The following TXNDC11 variants were observed in gnomAD, a reference collection of about 807,000 sequenced individuals.
TXNDC11 encodes thioredoxin domain-containing protein 11.
In TXNDC11, 68 loss-of-function variants were observed where a neutral mutation model predicts 78.0. The observed-to-expected ratio is 0.87, with a 90% CI of 0.72 to 1.07. TXNDC11 has a LOEUF of 1.07. Among genes scored for constraint, TXNDC11 ranks in the 50% least tolerant of loss-of-function variants. The pLI, the probability that TXNDC11 is intolerant of heterozygous loss-of-function variation, is 0.00. For synonymous variants in TXNDC11, 571 were observed against 495.2 expected (o/e 1.15, Z -2.03); for missense variants, 1,389 against 1,221.8 (o/e 1.14, Z -2.04).
intron 7 of TXNDC11, among the ~76,000 whole-genome samples, chr16:11,696,853 G>A (rs1470275348): frequency 1.3e-5 from 2 of 152,046 alleles, no homozygotes; most frequent in Non-Finnish European, 2.9e-5. Flanking sequence ...GAGGCTGTGG[G>A]CTCCTGCCAC....
intron 4 of TXNDC11, among the ~76,000 whole-genome samples, chr16:11,723,390 G>C (rs1470194730): frequency 6.6e-6 from 1 of 152,084 alleles, no homozygotes; most frequent in East Asian, 1.9e-4. Flanking sequence ...TTCAAGACCA[G>C]CCTGGCCGAT....
chr16:11,696,150 T>C (rs1410589987), intron 7 of TXNDC11, among the ~76,000 whole-genome samples: 1 of 152,136 alleles, frequency 6.6e-6, no homozygotes, highest in East Asian at 1.9e-4. Context: ...TAGCCCTTCC[T>C]GCAGACCACA....
chr16:11,704,579 C>A (rs58212087), intron 5 of TXNDC11, among the ~76,000 whole-genome samples: 5,270 of 152,160 alleles, frequency 0.035, 316 homozygotes, highest in African/African-American at 0.12. Flanking sequence ...TCATATGAAC[C>A]CCCTGATAAG....
chr16:11,691,883 G>A lies in TXNDC11; in HGVS notation c.1307C>T (p.Ser436Phe). The A allele has an allele frequency of 6.2e-7, 1 of 1,614,222 alleles. No individual in the cohort carries two copies. Among genetic ancestry groups the A allele is most frequent in the South Asian group, 1.1e-5 (1 of 91,090 alleles). Residue 436 changes from serine to phenylalanine, a missense_variant, in exon 8 of 12, where the codon TCC (serine) becomes TTC (phenylalanine). By Grantham distance (155) the Ser-to-Phe change is radical (BLOSUM62 -2). Transcript: ENST00000283033. The stretch of plus-strand genomic sequence containing the variant: ...GAGTTCACAGACGTTGTGGGTCCTG[G>A]AGAAGGAGTGCCACTGGGGCAGCAC... The part of the protein sequence containing the change: ...TVVLPQWHSF[S>F]RTHNVCELCV...
intron 5 of TXNDC11, among the ~76,000 whole-genome samples, chr16:11,701,285 T>C (rs144257496): frequency 0.012 from 1,827 of 151,922 alleles, 35 homozygotes; most frequent in African/African-American, 0.041. Flanking sequence ...TACAGGCGTG[T>C]GCCACCACAC....
chr16:11,702,044 C>CTTA (rs1202324204), intron 5 of TXNDC11, among the ~76,000 whole-genome samples: 1 of 149,730 alleles, frequency 6.7e-6, no homozygotes, highest in Non-Finnish European at 1.5e-5. Flanking sequence ...AGAACTCACA[C>CTTA]TTATAAAAGT....
chr16:11,694,810 G>T (rs2050816344), intron 7 of TXNDC11, among the ~76,000 whole-genome samples: 1 of 152,172 alleles, frequency 6.6e-6, no homozygotes, highest in Non-Finnish European at 1.5e-5. Context: ...GGGAATTTAT[G>T]TTTCTATTCC....
chr16:11,690,336 G>A (rs984076454), intron 8 of TXNDC11, among the ~76,000 whole-genome samples: 2 of 152,326 alleles, frequency 1.3e-5, no homozygotes, highest in Non-Finnish European at 2.9e-5. Context: ...TCTCATCATG[G>A]AGCCTTACTC....
At chr16:11,689,980 A>G (rs1393376833) in intron 8 of TXNDC11, 2 of 152,254 alleles carry the variant, frequency 1.3e-5, no homozygotes, top group African/African-American at 2.4e-5. Flanking sequence ...AGAAAAATCA[A>G]TATTTACATA....
chr16:11,713,866 T>C (rs1313751027), intron 5 of TXNDC11, among the ~76,000 whole-genome samples: 1 of 152,080 alleles, frequency 6.6e-6, no homozygotes, highest in Non-Finnish European at 1.5e-5. Context: ...AAAACGATCC[T>C]AGAACCCATG....
At chr16:11,733,638 A>G (rs1225681667) in intron 3 of TXNDC11, among the ~76,000 whole-genome samples, 2 of 152,264 alleles carry the variant, frequency 1.3e-5, no homozygotes, top group Non-Finnish European at 2.9e-5. Flanking sequence ...AGATGAAACG[A>G]TAAGAAATTT....
In TXNDC11 at chr16:11,736,207, G is replaced by C; in HGVS notation, c.281C>G (p.Ala94Gly). ...GGAGAAAAAGCTGACAGGTGGCTTT[G>C]CTGGTATTATCACATCTTTTGCTCG... is the stretch of plus-strand genomic sequence containing the variant. Reference protein sequence around the residue: ...CSRAKDVIIPAKPPVSFFSLR... With the variant: ...CSRAKDVIIPGKPPVSFFSLR... The change falls in exon 2 of 12, where the codon GCA (alanine) becomes GGA (glycine). Residue 94 changes from alanine (A) to glycine (G), a missense_variant. Coordinates refer to ENST00000283033, the MANE Select transcript of TXNDC11 (RefSeq NM_015914.7). 1.2e-6 allele frequency: 2 copies of C among 1,612,706 alleles called. No homozygotes were observed. The highest frequency in any genetic ancestry group is 1.7e-6 in the Non-Finnish European group (2 of 1,179,240).
At chr16:11,720,458 C>A (rs2051669711) in intron 5 of TXNDC11, among the ~76,000 whole-genome samples, 1 of 151,150 alleles carries the variant, frequency 6.6e-6, no homozygotes, top group African/African-American at 2.4e-5. Context: ...CTCTGTCACC[C>A]AGGCTGGAGT....
At chr16:11,697,419 C>T (rs1433439700) in intron 7 of TXNDC11, among the ~76,000 whole-genome samples, 1 of 152,160 alleles carries the variant, frequency 6.6e-6, no homozygotes, top group Non-Finnish European at 1.5e-5. Context: ...GCAATTTTGC[C>T]ACCCCAGGCT....
At chr16:11,731,981 A>G (rs2052068489) in intron 3 of TXNDC11, among the ~76,000 whole-genome samples, 2 of 151,616 alleles carry the variant, frequency 1.3e-5, no homozygotes, top group Admixed American at 1.3e-4. Context: ...GGAGCTACCA[A>G]TCTGGAAACC....
chr16:11,684,990 T>TAGAAAGCATAA (rs1350507181), intron 10 of TXNDC11, among the ~76,000 whole-genome samples: 1 of 152,360 alleles, frequency 6.6e-6, no homozygotes, highest in South Asian at 2.1e-4. Context: ...CAGAAGTTTT[T>TAGAAAGCATAA]AGAAAGCATA....
chr16:11,725,974 C>T (rs2051864985), intron 4 of TXNDC11, among the ~76,000 whole-genome samples: 1 of 152,136 alleles, frequency 6.6e-6, no homozygotes, highest in South Asian at 2.1e-4. Context: ...CTCCTGGACT[C>T]AAGCAATCCT....
chr16:11,688,452 A>G lies in TXNDC11; in HGVS notation c.1901-7T>C. 6.3e-7 allele frequency: 1 copy of G among 1,597,618 alleles called. No individual in the cohort carries two copies. The highest frequency in any genetic ancestry group is 8.5e-7 in the Non-Finnish European group (1 of 1,171,844). ...AAGTTTTGAATAAAAGACTCTAAAA[A>G]TAAAGAGAAAATGAGATCAACTCTC... On this transcript the variant is annotated splice_polypyrimidine_tract_variant and splice_region_variant and intron_variant, in intron 8 of 11. Transcript: ENST00000283033.
In TXNDC11 at chr16:11,692,057, T is replaced by C. The variant is rs778042193; in HGVS notation, c.1133A>G (p.Asn378Ser). The stretch of plus-strand genomic sequence containing the variant: ...CACCACCTGGTCCCCATGACAGTTG[T>C]TGTACTCCAAGGCCACTTCGGTGAT... ...DEITEVALEYNNCHGDQVVER... is the reference protein window; with the variant it reads ...DEITEVALEYSNCHGDQVVER... The change falls in exon 8 of 12, where the codon AAC (asparagine) becomes AGC (serine). Residue 378 changes from asparagine to serine, a missense_variant. Asn to Ser is a conservative substitution (Grantham distance 46). Transcript: ENST00000283033. The C allele has an allele frequency of 1.1e-5, 17 of 1,532,800 alleles. No homozygotes were observed. Among genetic ancestry groups the C allele is most frequent in the Middle Eastern group, 1.8e-4 (1 of 5,650 alleles). 94.9% of individuals were successfully genotyped at this position (1,532,800 alleles called of 1,614,324 possible).
Sources: gnomAD v4.1 joint callset for allele counts (sites outside exome capture counted in the v4.1 genomes callset) on GRCh38, gnomAD v4.1.1 for gene constraint, MANE v1.5 for transcripts, NCBI Gene and HGNC (gene_info 2026-07-23, HGNC 2026-07-21) for gene names.